RASAL2: variants seen among roughly 807,000 people sequenced by gnomAD.
RASAL2 encodes the protein RAS protein activator like 2.
In RASAL2, 58 loss-of-function variants were observed where a neutral mutation model predicts 128.9. That is an observed-to-expected ratio of 0.45 (90% CI 0.36 to 0.56). The LOEUF is 0.56. Ranked by LOEUF, RASAL2 falls within the 20% of genes least tolerant of loss-of-function variation. The probability of loss-of-function intolerance (pLI) is 0.00; values close to 1 mark genes in which losing one functional copy is unlikely to be tolerated. For synonymous variants in RASAL2, 561 were observed against 580.8 expected, an observed-to-expected ratio of 0.97 and a Z score of 0.49; for missense variants, 1,360 against 1,601.6, an observed-to-expected ratio of 0.85 and a Z score of 2.57.
At chr1:178,255,584 TG>T (rs1174772981) in intron 1 of RASAL2, among the ~76,000 whole-genome samples, 6 of 152,172 alleles carry the variant, frequency 3.9e-5, no homozygotes, top group African/African-American at 1.2e-4. Context: ...TAGAGCTGTA[TG>T]GGAGTAAAAT....
rs566699064 is a variant in RASAL2, at chr1:178,402,557, A to G, written c.564+12351A>G. ...GAAGTAATAAAATAAGTCTAATACA[A>G]TCTTTTCAGTAATGTATTTCCCCAC... On this transcript the variant is annotated intron_variant, in intron 4 of 17. Coordinates refer to ENST00000367649, the MANE Select transcript of RASAL2 (RefSeq NM_170692.4). Among the ~76,000 whole-genome samples the G allele has an allele frequency of 6.6e-5, 10 of 152,308 alleles. No individual in the cohort carries two copies. The East Asian group carries it at 1.5e-3, about 23-fold the overall frequency.
At chr1:178,396,563 T>C (rs985542948) in intron 4 of RASAL2, among the ~76,000 whole-genome samples, 2 of 152,032 alleles carry the variant, frequency 1.3e-5, no homozygotes, top group African/African-American at 4.8e-5. Flanking sequence ...AATATATATA[T>C]ATATTTTGGT....
intron 1 of RASAL2, among the ~76,000 whole-genome samples, chr1:178,108,385 C>CATGATGATA (rs1418238031): frequency 6.6e-6 from 1 of 152,102 alleles, no homozygotes; most frequent in Non-Finnish European, 1.5e-5. Context: ...CAGTCATGAG[C>CATGATGATA]ATGATGATAA....
intron 1 of RASAL2, among the ~76,000 whole-genome samples, chr1:178,214,560 A>ATTT (rs750648998): frequency 7.1e-6 from 1 of 141,312 alleles, no homozygotes; most frequent in Non-Finnish European, 1.6e-5. Flanking sequence ...TGGACTATGT[A>ATTT]TTTTTTTTTT....
rs11807907 is a variant in RASAL2, at chr1:178,148,994, T to C, written c.202+54300T>C. 5.5e-3 allele frequency among the ~76,000 whole-genome samples: 844 copies of C among 152,294 alleles called. 11 individuals carry two copies. The highest frequency in any genetic ancestry group is 0.019 in the African/African-American group (790 of 41,574). On this transcript the variant is annotated intron_variant, in intron 1 of 17. Transcript: ENST00000367649. Reference sequence around the variant, plus strand: ...TCCTATTCTCATTCTCTCTCTTTCTTCCTCTCTTTTCCCCTTCCCTCCCTT... The same window carrying C: ...TCCTATTCTCATTCTCTCTCTTTCTCCCTCTCTTTTCCCCTTCCCTCCCTT...
At chr1:178,451,528 G>T in intron 9 of RASAL2, 43 bp from the exon 10 acceptor site, 1 of 1,584,240 alleles carries the variant, frequency 6.3e-7, no homozygotes, top group Admixed American at 1.8e-5. Context: ...TATTCAGGAA[G>T]ACACTGTTTA....
intron 4 of RASAL2, among the ~76,000 whole-genome samples, chr1:178,391,464 G>T (rs928390090): frequency 6.6e-6 from 1 of 152,052 alleles, no homozygotes; most frequent in Admixed American, 6.6e-5. Flanking sequence ...TTTTTCAAGA[G>T]AAATCAAAAT....
At chr1:178,190,397 T>C (rs1662451355) in intron 1 of RASAL2, among the ~76,000 whole-genome samples, 1 of 152,194 alleles carries the variant, frequency 6.6e-6, no homozygotes, top group Non-Finnish European at 1.5e-5. Flanking sequence ...CACAGAGTGG[T>C]ATCTAAAATA....
chr1:178,153,769 G>A (rs951542175), intron 1 of RASAL2, among the ~76,000 whole-genome samples: 2 of 150,016 alleles, frequency 1.3e-5, no homozygotes, highest in Non-Finnish European at 3.0e-5. Flanking sequence ...GCAGACACAA[G>A]TTTTTTTTTT....
chr1:178,192,127 T>C (rs1483157743), intron 1 of RASAL2, among the ~76,000 whole-genome samples: 1 of 152,060 alleles, frequency 6.6e-6, no homozygotes. Context: ...TTTTTAACAG[T>C]GAGGGGGTCG....
chr1:178,422,533 A>G (rs1675221691), intron 5 of RASAL2, among the ~76,000 whole-genome samples: 1 of 152,118 alleles, frequency 6.6e-6, no homozygotes, highest in South Asian at 2.1e-4. Flanking sequence ...TGTACTCAAT[A>G]TAGTTTGAAT....
intron 4 of RASAL2, chr1:178,411,808 A>G: frequency 5.2e-6 from 4 of 772,282 alleles, no homozygotes; most frequent in Non-Finnish European, 9.7e-6. Context: ...TGTGGCCCAG[A>G]GGTGCAAGGA....
intron 1 of RASAL2, among the ~76,000 whole-genome samples, chr1:178,178,587 A>G (rs1661971065): frequency 6.6e-6 from 1 of 152,194 alleles, no homozygotes; most frequent in Non-Finnish European, 1.5e-5. Context: ...TAAATTATAT[A>G]CTAAGTTACC....
At chr1:178,248,297 T>A (rs1664872939) in intron 1 of RASAL2, among the ~76,000 whole-genome samples, 1 of 152,258 alleles carries the variant, frequency 6.6e-6, no homozygotes, top group Non-Finnish European at 1.5e-5. Context: ...CTCTTCTTGG[T>A]GCATTCATCC....
intron 2 of RASAL2, among the ~76,000 whole-genome samples, chr1:178,293,935 TAGG>T (rs1330897327): frequency 6.6e-6 from 1 of 152,122 alleles, no homozygotes; most frequent in Non-Finnish European, 1.5e-5. Context: ...TCAGGATGAT[TAGG>T]AGTTTACCTT....
intron 9 of RASAL2, among the ~76,000 whole-genome samples, chr1:178,446,882 A>G (rs1192983173): frequency 6.6e-6 from 1 of 152,238 alleles, no homozygotes; most frequent in African/African-American, 2.4e-5. Context: ...ACATTGAGCA[A>G]GAGCAGATAA....
intron 1 of RASAL2, among the ~76,000 whole-genome samples, chr1:178,256,056 G>A (rs1206325272): frequency 6.6e-6 from 1 of 152,116 alleles, no homozygotes; most frequent in East Asian, 1.9e-4. Flanking sequence ...AGAGAAAATA[G>A]ACTAAACAGT....
intron 7 of RASAL2, among the ~76,000 whole-genome samples, chr1:178,441,980 A>T (rs1676686434): frequency 6.6e-6 from 1 of 152,082 alleles, no homozygotes; most frequent in African/African-American, 2.4e-5. Context: ...TCACATGGTG[A>T]AAGCAGGAGC....
At chr1:178,453,257 ATAAT>A (rs1301292266) in intron 11 of RASAL2, among the ~76,000 whole-genome samples, 1 of 152,136 alleles carries the variant, frequency 6.6e-6, no homozygotes, top group Non-Finnish European at 1.5e-5. Context: ...TATAGATAAG[ATAAT>A]TCGTGAATAA....
Sources: gnomAD v4.1 joint callset for allele counts (sites outside exome capture counted in the v4.1 genomes callset) on GRCh38, gnomAD v4.1.1 for gene constraint, MANE v1.5 for transcripts, NCBI Gene and HGNC (gene_info 2026-07-23, HGNC 2026-07-21) for gene names.